Variants in CPA6 observed in about 807,000 individuals in gnomAD.
CPA6 encodes the protein carboxypeptidase A6.
CPA6 carries 58 observed loss-of-function variants against 63.3 expected under a neutral mutation model. The ratio of observed to expected loss-of-function variants is 0.92; its 90% CI spans 0.74 to 1.14. The LOEUF is 1.14. CPA6 is among the 50% of genes most tolerant of loss of function. The pLI, the probability that CPA6 is intolerant of heterozygous loss-of-function variation, is 0.00. For missense variants in CPA6, 565 were observed against 526.6 expected (o/e 1.07, Z -0.71); for synonymous variants, 185 against 179.0 (o/e 1.03, Z -0.27).
intron 2 of CPA6, among the ~76,000 whole-genome samples, chr8:67,539,270 G>A (rs962124677): frequency 1.3e-5 from 2 of 152,156 alleles, no homozygotes; most frequent in Non-Finnish European, 2.9e-5. Context: ...TAGTTTGGCT[G>A]GATATGAAAT....
intron 2 of CPA6, among the ~76,000 whole-genome samples, chr8:67,585,559 A>T (rs1023858257): frequency 6.6e-6 from 1 of 152,204 alleles, no homozygotes; most frequent in Non-Finnish European, 1.5e-5. Context: ...TTCTATTGTT[A>T]GATCCACAAT....
At chr8:67,622,074 A>G (rs1296240659) in intron 2 of CPA6, among the ~76,000 whole-genome samples, 1 of 152,256 alleles carries the variant, frequency 6.6e-6, no homozygotes, top group East Asian at 1.9e-4. Context: ...TATCACAAAT[A>G]TAACAGTGCA....
chr8:67,648,528 T>G (rs1815766618), intron 1 of CPA6, among the ~76,000 whole-genome samples: 1 of 152,142 alleles, frequency 6.6e-6, no homozygotes, highest in East Asian at 1.9e-4. Context: ...CAGCTTGGGT[T>G]TTGGTAGCCT....
chr8:67,535,488 T>A (rs1016467757), intron 2 of CPA6, among the ~76,000 whole-genome samples: 8 of 152,376 alleles, frequency 5.3e-5, no homozygotes, highest in African/African-American at 1.9e-4. Context: ...TTCATATGTT[T>A]GTTGGCTGCA....
chr8:67,683,580 T>C (rs1271863518), intron 1 of CPA6, among the ~76,000 whole-genome samples: 1 of 152,152 alleles, frequency 6.6e-6, no homozygotes, highest in Non-Finnish European at 1.5e-5. Flanking sequence ...ACTTTATTAG[T>C]TCAGATAAGC....
chr8:67,601,025 T>C (rs1436278260), intron 2 of CPA6, among the ~76,000 whole-genome samples: 1 of 152,186 alleles, frequency 6.6e-6, no homozygotes, highest in African/African-American at 2.4e-5. Context: ...ATCTTGAGCA[T>C]TTCCTGTAAT....
chr8:67,560,261 C>T (rs868437495), intron 2 of CPA6, among the ~76,000 whole-genome samples: 3 of 151,338 alleles, frequency 2.0e-5, no homozygotes, highest in African/African-American at 7.3e-5. Context: ...AAAGGAAATA[C>T]TGCATCTCCC....
chr8:67,558,539 C>A (rs547543023), intron 2 of CPA6, among the ~76,000 whole-genome samples: 1 of 152,168 alleles, frequency 6.6e-6, no homozygotes, highest in Non-Finnish European at 1.5e-5. Flanking sequence ...AACCCAGAAA[C>A]GTAGAGTACC....
chr8:67,449,491 A>G (rs1408193030), intron 8 of CPA6, among the ~76,000 whole-genome samples: 1 of 152,198 alleles, frequency 6.6e-6, no homozygotes, highest in South Asian at 2.1e-4. Flanking sequence ...TCCTAAAAGC[A>G]GAATACAAAA....
chr8:67,681,105 C>G (rs1354361035), intron 1 of CPA6, among the ~76,000 whole-genome samples: 3 of 150,170 alleles, frequency 2.0e-5, no homozygotes. Flanking sequence ...TTTTAATTTT[C>G]TGAAGTCAAT....
chr8:67,715,182 A>C (rs1817351928), intron 1 of CPA6, among the ~76,000 whole-genome samples: 1 of 152,144 alleles, frequency 6.6e-6, no homozygotes, highest in Non-Finnish European at 1.5e-5. Flanking sequence ...CTGACTACCC[A>C]GAGTTAGCTC....
intron 8 of CPA6, among the ~76,000 whole-genome samples, chr8:67,442,943 A>G (rs998734311): frequency 6.6e-6 from 1 of 152,008 alleles, no homozygotes. Flanking sequence ...ATCCCCACAG[A>G]CCTGCCAAAG....
Position 67,720,272 on chromosome 8 carries a change from C to T in CPA6, c.116+25742G>A, listed in dbSNP as rs546581433. On this transcript the variant is annotated intron_variant, in intron 1 of 10. Coordinates refer to ENST00000297770, the MANE Select transcript of CPA6 (RefSeq NM_020361.5). ...AGGCAAGGACCGGCCATTTACACTT[C>T]TTTTGTGGTGGAATGTCATCAGTTA... is the stretch of plus-strand genomic sequence containing the variant. Among the ~76,000 whole-genome samples, 11 of 152,148 alleles carry T rather than the reference C, an allele frequency of 7.2e-5. No individual in the cohort carries two copies. In the East Asian group the frequency reaches 2.1e-3, roughly 29 times the overall value.
chr8:67,643,211 C>T (rs1256313878), intron 1 of CPA6, among the ~76,000 whole-genome samples: 1 of 152,138 alleles, frequency 6.6e-6, no homozygotes, highest in African/African-American at 2.4e-5. Context: ...GACATCATTT[C>T]ACAACTACCA....
At chr8:67,528,837 C>A (rs1812419397) in intron 2 of CPA6, among the ~76,000 whole-genome samples, 1 of 151,936 alleles carries the variant, frequency 6.6e-6, no homozygotes, top group Non-Finnish European at 1.5e-5. Flanking sequence ...TTATTCTTTC[C>A]TAATAAAGTC....
At chr8:67,441,261 AT>A (rs374894796) in intron 8 of CPA6, among the ~76,000 whole-genome samples, 12 of 152,352 alleles carry the variant, frequency 7.9e-5, no homozygotes, top group African/African-American at 2.9e-4. Flanking sequence ...ATTATTCACA[AT>A]ATCTAAGAAT....
chr8:67,509,493 T>C, intron 5 of CPA6, 24 bp downstream of exon 5: 1 of 1,081,436 alleles, frequency 9.2e-7, no homozygotes. Flanking sequence ...ATTATGTATT[T>C]ACACAGCAAT....
chr8:67,463,355 G>A (rs1217006084), intron 8 of CPA6, among the ~76,000 whole-genome samples: 1 of 151,964 alleles, frequency 6.6e-6, no homozygotes, highest in Admixed American at 6.6e-5. Flanking sequence ...AAGGCAGGAG[G>A]ATTTCTTGAA....
At chr8:67,604,195 C>G (rs1002431136) in intron 2 of CPA6, among the ~76,000 whole-genome samples, 2 of 152,102 alleles carry the variant, frequency 1.3e-5, no homozygotes, top group African/African-American at 4.8e-5. Context: ...GTAAGGAAAC[C>G]AGAATCTGAG....
Sources: allele counts gnomAD v4.1 joint callset (sites outside exome capture counted in the v4.1 genomes callset), GRCh38; gene constraint gnomAD v4.1.1; transcripts MANE v1.5; gene names NCBI Gene and HGNC (gene_info 2026-07-23, HGNC 2026-07-21).